Variants in GRM5 observed in about 807,000 individuals in gnomAD.
The protein encoded by GRM5 is glutamate metabotropic receptor 5.
GRM5 carries 19 observed loss-of-function variants against 83.1 expected under a neutral mutation model. The ratio of observed to expected loss-of-function variants is 0.23; its 90% CI spans 0.16 to 0.34. The LOEUF is 0.34. Ranked by LOEUF, GRM5 falls within the 10% of genes least tolerant of loss-of-function variation. GRM5 has a pLI of 1.00. For synonymous variants in GRM5, 675 were observed against 633.6 expected, an observed-to-expected ratio of 1.07 and a Z score of -0.98; for missense variants, 1,160 against 1,588.3, an observed-to-expected ratio of 0.73 and a Z score of 4.58.
At chr11:88,969,963 T>C (rs988920021) in intron 2 of GRM5, among the ~76,000 whole-genome samples, 2 of 152,104 alleles carry the variant, frequency 1.3e-5, no homozygotes, top group Non-Finnish European at 2.9e-5. Context: ...GGGAACATAA[T>C]CTTATTTCCT....
At chr11:88,841,371 C>T (rs1032282201) in intron 3 of GRM5, among the ~76,000 whole-genome samples, 2 of 152,280 alleles carry the variant, frequency 1.3e-5, no homozygotes, top group South Asian at 2.1e-4. Flanking sequence ...TTTGCTAACA[C>T]TAAATTCTCC....
chr11:88,717,843 GT>G (rs758424940), intron 3 of GRM5, among the ~76,000 whole-genome samples: 3 of 140,792 alleles, frequency 2.1e-5, no homozygotes, highest in Non-Finnish European at 3.1e-5. Flanking sequence ...AAACATCTCT[GT>G]TTTCATATTT....
chr11:88,741,700 T>C (rs1314523927), intron 3 of GRM5, among the ~76,000 whole-genome samples: 3 of 151,756 alleles, frequency 2.0e-5, no homozygotes, highest in African/African-American at 7.2e-5. Flanking sequence ...AGACATAATC[T>C]ATACTATACT....
chr11:88,987,491 A>G (rs1276528965), intron 2 of GRM5, among the ~76,000 whole-genome samples: 4 of 151,936 alleles, frequency 2.6e-5, no homozygotes, highest in African/African-American at 9.7e-5. Context: ...GGAAGCTCGA[A>G]CTGGGTGGAG....
chr11:89,001,321 G>A (rs1451164331), intron 2 of GRM5, among the ~76,000 whole-genome samples: 1 of 151,980 alleles, frequency 6.6e-6, no homozygotes, highest in Non-Finnish European at 1.5e-5. Flanking sequence ...AATCAGATCA[G>A]GCATCCTTCA....
At chr11:88,645,768 A>G (rs866959557) in intron 4 of GRM5, among the ~76,000 whole-genome samples, 10 of 152,150 alleles carry the variant, frequency 6.6e-5, no homozygotes, top group African/African-American at 1.2e-4. Flanking sequence ...AATAAAAATT[A>G]TACTGAAAAC....
chr11:89,051,061 G>A (rs1591079257), intron 1 of GRM5, among the ~76,000 whole-genome samples: 2 of 152,050 alleles, frequency 1.3e-5, no homozygotes, highest in South Asian at 4.1e-4. Flanking sequence ...ACCAGTTTAT[G>A]TAACAAACCT....
intron 8 of GRM5, among the ~76,000 whole-genome samples, chr11:88,527,516 G>T (rs1487097149): frequency 1.3e-5 from 2 of 152,114 alleles, no homozygotes; most frequent in African/African-American, 4.8e-5. Flanking sequence ...TTCAGCCACT[G>T]TGGAAATCAG....
intron 2 of GRM5, among the ~76,000 whole-genome samples, chr11:88,883,916 G>T (rs768050580): frequency 5.9e-5 from 9 of 152,154 alleles, no homozygotes; most frequent in East Asian, 1.9e-4. Context: ...AGGATGTATG[G>T]AAATGCCTGA....
intron 9 of GRM5, among the ~76,000 whole-genome samples, chr11:88,523,142 C>T (rs1444176299): frequency 1.3e-5 from 2 of 152,178 alleles, no homozygotes; most frequent in African/African-American, 2.4e-5. Flanking sequence ...AGACCAAATG[C>T]TTGCCACAAA....
In GRM5 at chr11:88,909,247, A is replaced by T. The variant is rs1415787843; in HGVS notation, c.662-59092T>A. ...CTATTAATCTTGGGTTTCTCTAGCC[A>T]AACAACATTTAACAGCAATCTAAAA... On this transcript the variant is annotated intron_variant, in intron 2 of 9. Coordinates refer to ENST00000305447, the MANE Select transcript of GRM5 (RefSeq NM_001143831.3). Among the ~76,000 whole-genome samples the T allele has an allele frequency of 5.9e-5, 9 of 152,204 alleles. No individual in the cohort carries two copies. In the East Asian group the frequency reaches 1.7e-3, roughly 29 times the overall value.
intron 2 of GRM5, among the ~76,000 whole-genome samples, chr11:88,916,206 C>G (rs1237895001): frequency 6.6e-6 from 1 of 152,068 alleles, no homozygotes; most frequent in Non-Finnish European, 1.5e-5. Flanking sequence ...AAAAATCAAG[C>G]TAGCAATTAC....
intron 3 of GRM5, among the ~76,000 whole-genome samples, chr11:88,671,747 A>G (rs139395251): frequency 2.0e-5 from 3 of 152,206 alleles, no homozygotes. Flanking sequence ...AAGTTAAAAC[A>G]TTGGTTCCTT....
intron 3 of GRM5, among the ~76,000 whole-genome samples, chr11:88,736,019 GTTAGACAATCATTTGTGGTCAT>G (rs1941906842): frequency 6.6e-6 from 1 of 152,062 alleles, no homozygotes; most frequent in Non-Finnish European, 1.5e-5. Flanking sequence ...CACTCTCGAA[GTTAGACAATCATTTGTGGTCAT>G]TTAGACAATC....
intron 3 of GRM5, among the ~76,000 whole-genome samples, chr11:88,838,007 C>G (rs1944123275): frequency 1.5e-5 from 2 of 136,988 alleles, no homozygotes; most frequent in Non-Finnish European, 3.1e-5. Flanking sequence ...ATGTCGTGAA[C>G]CCGGGAGGCG....
intron 3 of GRM5, among the ~76,000 whole-genome samples, chr11:88,803,594 C>A (rs1373352307): frequency 1.3e-5 from 2 of 152,148 alleles, no homozygotes; most frequent in Non-Finnish European, 2.9e-5. Context: ...AGAAGAAAAC[C>A]TAGGTATTAC....
At chr11:88,829,394 G>C (rs1000769180) in intron 3 of GRM5, among the ~76,000 whole-genome samples, 7 of 152,142 alleles carry the variant, frequency 4.6e-5, no homozygotes, top group African/African-American at 1.7e-4. Context: ...CTGGGAGGTG[G>C]AGGTTTCAGT....
intron 2 of GRM5, among the ~76,000 whole-genome samples, chr11:88,860,583 T>G (rs1944544703): frequency 6.6e-6 from 1 of 152,166 alleles, no homozygotes; most frequent in African/African-American, 2.4e-5. Flanking sequence ...CTCTTCATGC[T>G]TGACAGCTTT....
intron 8 of GRM5, among the ~76,000 whole-genome samples, chr11:88,565,398 T>C (rs1350499605): frequency 1.3e-5 from 2 of 152,218 alleles, no homozygotes; most frequent in African/African-American, 4.8e-5. Flanking sequence ...CAGCCAGTGT[T>C]CTCTGCCACC....
Sources: gnomAD v4.1 joint callset for allele counts (sites outside exome capture counted in the v4.1 genomes callset) on GRCh38, gnomAD v4.1.1 for gene constraint, MANE v1.5 for transcripts, NCBI Gene and HGNC (gene_info 2026-07-23, HGNC 2026-07-21) for gene names.